Variants in TSPEAR observed in about 807,000 individuals in gnomAD.
TSPEAR encodes the protein thrombospondin type laminin G domain and EAR repeats.
A neutral mutation model predicts 71.6 loss-of-function variants in TSPEAR; 69 were observed. The observed-to-expected ratio is 0.96, with a 90% CI of 0.79 to 1.18. TSPEAR has a LOEUF of 1.18. TSPEAR is among the 50% of genes most tolerant of loss of function. TSPEAR has a pLI of 0.00. For missense variants in TSPEAR, 971 were observed against 894.9 expected (o/e 1.09, Z -1.09); for synonymous variants, 402 against 387.2 (o/e 1.04, Z -0.45).
At chr21:44,680,444 G>A (rs1387210680) in intron 1 of TSPEAR, among the ~76,000 whole-genome samples, 1 of 152,154 alleles carries the variant, frequency 6.6e-6, no homozygotes, top group Non-Finnish European at 1.5e-5. Flanking sequence ...CATCATTTGT[G>A]GAAGTGTAAA....
At chr21:44,677,061 C>T (rs587621489) in intron 1 of TSPEAR, 2 of 743,312 alleles carry the variant, frequency 2.7e-6, no homozygotes, top group East Asian at 2.6e-5. Flanking sequence ...GGCCCACCAG[C>T]TCATGATACT....
intron 1 of TSPEAR, among the ~76,000 whole-genome samples, chr21:44,636,422 G>C (rs1983572833): frequency 1.3e-5 from 2 of 152,178 alleles, no homozygotes; most frequent in African/African-American, 4.8e-5. Flanking sequence ...CAGTGACTTT[G>C]TCTCTCATCC....
At chr21:44,678,382 T>C (rs1461483964) in intron 1 of TSPEAR, among the ~76,000 whole-genome samples, 1 of 151,964 alleles carries the variant, frequency 6.6e-6, no homozygotes, top group East Asian at 1.9e-4. Context: ...GTGTGTGGCA[T>C]CCTCACCCCA....
chr21:44,647,507 TC>T, intron 1 of TSPEAR: 1 of 922,410 alleles, frequency 1.1e-6, no homozygotes, highest in Non-Finnish European at 1.6e-6. Flanking sequence ...CACACTTTCC[TC>T]CCCACTGTCT....
chr21:44,548,394 C>T (rs2053337644), intron 2 of TSPEAR, among the ~76,000 whole-genome samples: 1 of 152,190 alleles, frequency 6.6e-6, no homozygotes, highest in Non-Finnish European at 1.5e-5. Flanking sequence ...TGCAAACCTT[C>T]AAGTATTTTC....
chr21:44,685,860 T>C (rs1284246007), intron 1 of TSPEAR, among the ~76,000 whole-genome samples: 1 of 152,170 alleles, frequency 6.6e-6, no homozygotes, highest in African/African-American at 2.4e-5. Context: ...GACTTACAAA[T>C]TGCACATCTG....
intron 6 of TSPEAR, 137 bp from the exon 7 acceptor site, chr21:44,527,655 C>T (rs587667836): frequency 3.4e-5 from 27 of 792,236 alleles, no homozygotes; most frequent in African/African-American, 8.6e-5. Context: ...TCAGTTTCCA[C>T]GTTTCGCTCT....
At chr21:44,626,889 C>G (rs1226603135) in intron 1 of TSPEAR, among the ~76,000 whole-genome samples, 1 of 152,072 alleles carries the variant, frequency 6.6e-6, no homozygotes, top group African/African-American at 2.4e-5. Context: ...TCAGGCCCAC[C>G]CCAACTCCTG....
At chr21:44,621,021 ACT>A (rs1402567151) in intron 1 of TSPEAR, among the ~76,000 whole-genome samples, 2 of 152,170 alleles carry the variant, frequency 1.3e-5, no homozygotes, top group African/African-American at 4.8e-5. Context: ...CAGAGAAGAT[ACT>A]CTGTATGATT....
At chr21:44,550,904 G>A (rs200441874) in intron 2 of TSPEAR, 9 of 1,466,430 alleles carry the variant, frequency 6.1e-6, no homozygotes, top group South Asian at 2.6e-5. Flanking sequence ...TGCAGCAGAC[G>A]GACACACAGC....
rs782473962 is a variant in TSPEAR at position 44,499,933 on chromosome 21, C to T, written c.1860G>A (p.Trp620Ter). The T allele has an allele frequency of 1.2e-5, 19 of 1,604,634 alleles. No individual in the cohort carries two copies. The highest frequency in any genetic ancestry group is 1.6e-5 in the Non-Finnish European group (19 of 1,177,322). Residue 620 changes from tryptophan (W) to a stop codon, truncating the protein, a stop_gained, in exon 12 of 12, where the codon TGG (tryptophan) becomes TGA (stop). Transcript: ENST00000323084. LOFTEE classifies it high-confidence loss of function. Reference sequence around the variant, plus strand: ...CCGCCACGAAGCCCTCGTAGCCCTGCCACCTGCGGAACAGACAGCGGCAGC... The same window carrying T: ...CCGCCACGAAGCCCTCGTAGCCCTGTCACCTGCGGAACAGACAGCGGCAGC... ...TFSVNSIIYR[W>*]QGYEGFVAVH...
intron 1 of TSPEAR, among the ~76,000 whole-genome samples, chr21:44,649,978 G>A (rs587643473): frequency 5.8e-4 from 88 of 152,300 alleles, no homozygotes; most frequent in African/African-American, 8.9e-4. Flanking sequence ...TCTCAGCACC[G>A]TGGGAGGCCG....
At chr21:44,577,922 T>C (rs1458229100) in intron 1 of TSPEAR, among the ~76,000 whole-genome samples, 2 of 152,210 alleles carry the variant, frequency 1.3e-5, no homozygotes, top group African/African-American at 2.4e-5. Context: ...TGGGAGGTAA[T>C]TGAATCATGG....
intron 1 of TSPEAR, among the ~76,000 whole-genome samples, chr21:44,604,067 G>A (rs953724460): frequency 5.9e-5 from 9 of 152,212 alleles, no homozygotes; most frequent in African/African-American, 1.9e-4. Context: ...TTGGTTAAAC[G>A]TGCATGGAGA....
At chr21:44,545,445 A>C (rs587764895) in intron 2 of TSPEAR, among the ~76,000 whole-genome samples, 1 of 152,312 alleles carries the variant, frequency 6.6e-6, no homozygotes, top group East Asian at 1.9e-4. Context: ...CAACCCAACA[A>C]GAGTAGACAA....
At chr21:44,684,681 C>A (rs1555948671) in intron 1 of TSPEAR, among the ~76,000 whole-genome samples, 7 of 152,204 alleles carry the variant, frequency 4.6e-5, no homozygotes. Flanking sequence ...CCCTGACCTG[C>A]AGGAAGGAGT....
intron 2 of TSPEAR, among the ~76,000 whole-genome samples, chr21:44,534,652 CTG>C (rs1169678015): frequency 1.6e-4 from 25 of 152,244 alleles, no homozygotes; most frequent in Non-Finnish European, 3.1e-4. Flanking sequence ...GCTGGCGACA[CTG>C]TGGAGAAACT....
intron 1 of TSPEAR, chr21:44,601,797 T>A: frequency 2.6e-6 from 4 of 1,560,318 alleles, no homozygotes; most frequent in Non-Finnish European, 3.5e-6. Context: ...CTGGATTCTT[T>A]ACCCTTGACG....
chr21:44,499,695 G>T lies in TSPEAR; in HGVS notation c.*88C>A. 1 of 1,390,284 alleles carries T rather than the reference G, an allele frequency of 7.2e-7. No individual in the cohort carries two copies. The allele number at this position is 1,390,284 out of a possible 1,614,324, so 86.1% of individuals were successfully genotyped here. A position where few individuals can be genotyped will look rare whatever the true frequency, so the allele number is the denominator to read the frequency against. ...CCAGGCCCGGGATGCCCTAGGCTGG[G>T]CCCACCTGGACGTCCAGGGTCAGTT... On this transcript the variant is annotated 3_prime_UTR_variant, in exon 12 of 12. Coordinates refer to ENST00000323084, the MANE Select transcript of TSPEAR (RefSeq NM_144991.3).
Sources: gnomAD v4.1 joint callset for allele counts (sites outside exome capture counted in the v4.1 genomes callset) on GRCh38, gnomAD v4.1.1 for gene constraint, MANE v1.5 for transcripts, NCBI Gene and HGNC (gene_info 2026-07-23, HGNC 2026-07-21) for gene names.